Variants in OR52A5 observed in about 807,000 individuals in gnomAD.
The protein encoded by OR52A5 is olfactory receptor 52A5.
A neutral mutation model predicts 18.2 loss-of-function variants in OR52A5; 16 were observed. The ratio of observed to expected loss-of-function variants is 0.88; its 90% CI spans 0.60 to 1.34. The LOEUF (loss-of-function observed/expected upper bound fraction) is 1.34, where lower values mean the gene tolerates loss of function less well. Ranked by LOEUF, OR52A5 falls within the 40% of genes most tolerant of loss-of-function variation. OR52A5 has a pLI of 0.00. For missense variants in OR52A5, 418 were observed against 383.0 expected (o/e 1.09, Z -0.76); for synonymous variants, 140 against 137.2 (o/e 1.02, Z -0.14).
In OR52A5 at chr11:5,131,990, G is replaced by C; in HGVS notation, c.653C>G (p.Thr218Ser). 1 of 1,614,194 alleles carries C rather than the reference G, an allele frequency of 6.2e-7. No homozygotes were observed. Among genetic ancestry groups the C allele is most frequent in the South Asian group, 1.1e-5 (1 of 91,076 alleles). ...GATAAAAATTTGGACATAGGACAAG[G>C]TTATAAATATTATGTCAAACCCTAG... ...AILGFDIIFI[T>S]LSYVQIFITV... is the part of the protein sequence containing the mutation. The change falls in exon 2 of 2, where the codon ACC (threonine) becomes AGC (serine). Residue 218 changes from threonine to serine, a missense_variant. Transcript: ENST00000307388.
intron 1 of OR52A5, among the ~76,000 whole-genome samples, chr11:5,133,578 A>G (rs1846364697): frequency 6.6e-6 from 1 of 151,422 alleles, no homozygotes; most frequent in Admixed American, 6.6e-5. Context: ...TCTTCTCAAA[A>G]CCCAATCATA....
Position 5,132,679 on chromosome 11 carries a change from T to C in OR52A5, c.-37A>G. 3 of 1,344,716 alleles carry C rather than the reference T, an allele frequency of 2.2e-6. No homozygotes were observed. Among genetic ancestry groups the C allele is most frequent in the Non-Finnish European group, 3.1e-6 (3 of 969,560 alleles). 83.3% of individuals were successfully genotyped at this position (1,344,716 alleles called of 1,614,324 possible). A position where few individuals can be genotyped will look rare whatever the true frequency, so the allele number is the denominator to read the frequency against. On this transcript the variant is annotated 5_prime_UTR_variant, in exon 2 of 2. Coordinates refer to ENST00000307388, the MANE Select transcript of OR52A5 (RefSeq NM_001005160.3). ...CAGAATCAAGTGGTAGATTTGCTGT[T>C]TCATCTTCTATTCTCTGTTGAGCCT...
intron 1 of OR52A5, 106 bp downstream of exon 1, chr11:5,138,205 A>AT (rs1846409065): frequency 6.6e-6 from 1 of 152,224 alleles, no homozygotes; most frequent in Non-Finnish European, 1.5e-5. Context: ...ATTCTGTTGC[A>AT]TTTTTATCAT....
In OR52A5 at chr11:5,130,829, G is replaced by T. The variant is rs371234133; in HGVS notation, c.*863C>A. On this transcript the variant is annotated 3_prime_UTR_variant, in exon 2 of 2. Transcript: ENST00000307388. ...TCTTAAGGAAAAAAAAATTTGTTTG[G>T]TTCTAAGTCTTGACTAAAGTCCTTA... 6.6e-6 allele frequency: 1 copy of T among 152,008 alleles called. No homozygotes were observed. The highest frequency in any genetic ancestry group is 2.1e-4 in the South Asian group (1 of 4,824). 9.4% of individuals were successfully genotyped at this position (152,008 alleles called of 1,614,324 possible).
intron 1 of OR52A5, among the ~76,000 whole-genome samples, chr11:5,133,097 C>T (rs1392527790): frequency 2.0e-5 from 3 of 151,962 alleles, no homozygotes; most frequent in African/African-American, 4.8e-5. Context: ...AGGCCGGGCA[C>T]AGTGGCTCAC....
At chr11:5,133,882 T>A (rs1452241084) in intron 1 of OR52A5, among the ~76,000 whole-genome samples, 1 of 152,196 alleles carries the variant, frequency 6.6e-6, no homozygotes, top group Non-Finnish European at 1.5e-5. Context: ...AAACTTTATA[T>A]ATCTATACAT....
rs1244499594 is a variant in OR52A5, at chr11:5,130,237, A to G, written c.*1455T>C. On this transcript the variant is annotated 3_prime_UTR_variant, in exon 2 of 2. Transcript: ENST00000307388. ...TTTTATACCAGATACTTTGAAATAC[A>G]GTTTTTTCATTCACTCATGATTAAT... 2 of 152,108 alleles carry G rather than the reference A, an allele frequency of 1.3e-5. No individual in the cohort carries two copies. Among genetic ancestry groups the G allele is most frequent in the East Asian group, 3.9e-4 (2 of 5,176 alleles). The allele number at this position is 152,108 out of a possible 1,614,324, so 9.4% of individuals were successfully genotyped here.
Position 5,131,622 on chromosome 11 carries a change from T to C in OR52A5, c.*70A>G. 1.2e-6 allele frequency: 1 copy of C among 822,250 alleles called. No individual in the cohort carries two copies. The highest frequency in any genetic ancestry group is 1.9e-6 in the Non-Finnish European group (1 of 515,522). 50.9% of individuals were successfully genotyped at this position (822,250 alleles called of 1,614,324 possible). Reference sequence around the variant, plus strand: ...TGAGCTAGTAGTTTGAGAATATTGATCTGTGACTTTCATTATATTTAGGTT... The same window carrying C: ...TGAGCTAGTAGTTTGAGAATATTGACCTGTGACTTTCATTATATTTAGGTT... On this transcript the variant is annotated 3_prime_UTR_variant, in exon 2 of 2. Coordinates refer to ENST00000307388, the MANE Select transcript of OR52A5 (RefSeq NM_001005160.3).
Position 5,132,645 on chromosome 11 carries a change from T to C in OR52A5, c.-3A>G. On this transcript the variant is annotated 5_prime_UTR_variant, in exon 2 of 2. Coordinates refer to ENST00000307388, the MANE Select transcript of OR52A5 (RefSeq NM_001005160.3). ...ACTGAGCCATTGAATGTCGGCATGA[T>C]TTGTTCATCAGAATCAAGTGGTAGA... 7 of 1,572,740 alleles carry C rather than the reference T, an allele frequency of 4.5e-6. No homozygotes were observed. Among genetic ancestry groups the C allele is most frequent in the Non-Finnish European group, 6.1e-6 (7 of 1,155,414 alleles).
intron 1 of OR52A5, among the ~76,000 whole-genome samples, chr11:5,133,107 C>G (rs750488594): frequency 6.6e-6 from 1 of 151,972 alleles, no homozygotes; most frequent in South Asian, 2.1e-4. Context: ...CAGTGGCTCA[C>G]GCCTGTAATC....
chr11:5,131,603 A>G lies in OR52A5; in HGVS notation c.*89T>C. On this transcript the variant is annotated 3_prime_UTR_variant, in exon 2 of 2. Transcript: ENST00000307388. ...TAGAATTACAGGTATGTGTTGAGCTAGTAGTTTGAGAATATTGATCTGTGA... is the reference window on the plus strand; with the variant it reads ...TAGAATTACAGGTATGTGTTGAGCTGGTAGTTTGAGAATATTGATCTGTGA... The G allele has an allele frequency of 1.5e-6, 1 of 679,650 alleles. No homozygotes were observed. Among genetic ancestry groups the G allele is most frequent in the East Asian group, 2.7e-5 (1 of 37,016 alleles). 42.1% of individuals were successfully genotyped at this position (679,650 alleles called of 1,614,324 possible).
chr11:5,134,637 T>C (rs1391501944), intron 1 of OR52A5, among the ~76,000 whole-genome samples: 1 of 151,842 alleles, frequency 6.6e-6, no homozygotes. Flanking sequence ...ACATGTACCA[T>C]TTATTAAATA....
intron 1 of OR52A5, among the ~76,000 whole-genome samples, chr11:5,136,046 A>G (rs980708144): frequency 1.3e-5 from 2 of 152,208 alleles, no homozygotes; most frequent in Non-Finnish European, 2.9e-5. Context: ...TGCTCTGATT[A>G]ATCTAACAGG....
chr11:5,132,244 T>C lies in OR52A5; in HGVS notation c.399A>G (p.Arg133=). 6.2e-7 allele frequency: 1 copy of C among 1,614,044 alleles called. No homozygotes were observed. Among genetic ancestry groups the C allele is most frequent in the Non-Finnish European group, 8.5e-7 (1 of 1,180,022 alleles). ...DRYVAICIPL[R]HATIFSQQFL... ...ACTGCTGGGAAAAGATGGTGGCATG[T>C]CTCAAGGGGATACAGATGGCCACAT... The change falls in exon 2 of 2, where the codon AGA becomes AGG. Residue 133 remains arginine (R), a synonymous_variant. Coordinates refer to ENST00000307388, the MANE Select transcript of OR52A5 (RefSeq NM_001005160.3).
At chr11:5,133,453 C>G (rs964662015) in intron 1 of OR52A5, among the ~76,000 whole-genome samples, 1 of 142,228 alleles carries the variant, frequency 7.0e-6, no homozygotes, top group Non-Finnish European at 1.5e-5. Context: ...CTGAAATGTT[C>G]TTTAGTTTTG....
At position 5,129,019 on chromosome 11, in the gene OR52A5, A is replaced by G. The variant is rs1846311492; in HGVS notation, c.*2673T>C. ...AAAAATAAACAATTGAATAAAGATC[A>G]CCAAGGTATTCTGTTGTCTCAGCAT... On this transcript the variant is annotated 3_prime_UTR_variant, in exon 2 of 2. Coordinates refer to ENST00000307388, the MANE Select transcript of OR52A5 (RefSeq NM_001005160.3). 6.6e-6 allele frequency: 1 copy of G among 152,152 alleles called. No individual in the cohort carries two copies. The allele number at this position is 152,152 out of a possible 1,614,324, so 9.4% of individuals were successfully genotyped here. A position where few individuals can be genotyped will look rare whatever the true frequency, so the allele number is the denominator to read the frequency against.
intron 1 of OR52A5, among the ~76,000 whole-genome samples, chr11:5,135,773 C>G (rs1846387753): frequency 6.6e-6 from 1 of 152,140 alleles, no homozygotes; most frequent in South Asian, 2.1e-4. Flanking sequence ...ATTTCTGGAC[C>G]TAACCAATGT....
rs1365904788 is a variant in OR52A5 at position 5,130,473 on chromosome 11, C to G, written c.*1219G>C. ...CACTGAAATATTTAATGCTCTAATC[C>G]AGAATTAAAATGGTTATTTCATTAT... is the stretch of plus-strand genomic sequence containing the variant. On this transcript the variant is annotated 3_prime_UTR_variant, in exon 2 of 2. Transcript: ENST00000307388. 6.6e-6 allele frequency: 1 copy of G among 151,850 alleles called. No homozygotes were observed. The highest frequency in any genetic ancestry group is 2.4e-5 in the African/African-American group (1 of 41,354). The allele number at this position is 151,850 out of a possible 1,614,324, so 9.4% of individuals were successfully genotyped here.
intron 1 of OR52A5, among the ~76,000 whole-genome samples, chr11:5,133,480 T>A (rs2133524364): frequency 6.6e-6 from 1 of 151,118 alleles, no homozygotes; most frequent in Middle Eastern, 3.4e-3. Flanking sequence ...ACTGGCTGTT[T>A]TTTTTTTTTT....
Sources: allele counts gnomAD v4.1 joint callset (sites outside exome capture counted in the v4.1 genomes callset), GRCh38; gene constraint gnomAD v4.1.1; transcripts MANE v1.5; gene names NCBI Gene and HGNC (gene_info 2026-07-23, HGNC 2026-07-21).